EDEM3: variants seen among roughly 807,000 people sequenced by gnomAD.
The protein encoded by EDEM3 is ER degradation enhancing alpha-mannosidase like protein 3, also known as ER degradation-enhancing alpha-mannosidase-like protein 3.
EDEM3 carries 60 observed loss-of-function variants against 110.2 expected under a neutral mutation model. That is an observed-to-expected ratio of 0.54 (90% CI 0.44 to 0.67). The LOEUF (loss-of-function observed/expected upper bound fraction) is 0.67, where lower values mean the gene tolerates loss of function less well. EDEM3 is among the 30% of genes least tolerant of loss of function. The pLI is 0.00. For synonymous variants in EDEM3, 352 were observed against 382.9 expected (o/e 0.92, Z 0.94); for missense variants, 996 against 1,121.0 (o/e 0.89, Z 1.59).
At chr1:184,696,483 G>A (rs1217248814) in intron 19 of EDEM3, among the ~76,000 whole-genome samples, 1 of 151,674 alleles carries the variant, frequency 6.6e-6, no homozygotes, top group East Asian at 1.9e-4. Flanking sequence ...ATGATGGGGA[G>A]GAAAGGATCA....
At chr1:184,711,201 C>T (rs772054322) in intron 15 of EDEM3, among the ~76,000 whole-genome samples, 11 of 152,022 alleles carry the variant, frequency 7.2e-5, no homozygotes, top group Non-Finnish European at 1.2e-4. Context: ...TGGGTTCAAG[C>T]GATTCTACTG....
At chr1:184,723,617 A>C in intron 8 of EDEM3, 134 bp downstream of exon 8, 1 of 735,722 alleles carries the variant, frequency 1.4e-6, no homozygotes, top group Non-Finnish European at 2.2e-6. Flanking sequence ...GGCTAAATTA[A>C]TTAAAATTCC....
At position 184,691,935 on chromosome 1, in the gene EDEM3, G is replaced by A. The variant is rs1649081272; in HGVS notation, c.*2128C>T. 6.6e-6 allele frequency: 1 copy of A among 152,074 alleles called. No individual in the cohort carries two copies. The highest frequency in any genetic ancestry group is 1.5e-5 in the Non-Finnish European group (1 of 67,988). 9.4% of individuals were successfully genotyped at this position (152,074 alleles called of 1,614,324 possible). On this transcript the variant is annotated 3_prime_UTR_variant, in exon 20 of 20. Transcript: ENST00000318130. ...TAATGGCCAAAGGAAGAGAGTGGCA[G>A]TAAGCTGGCTTTTCCAATGTGTCAC... is the stretch of plus-strand genomic sequence containing the variant.
chr1:184,719,547 A>G lies in EDEM3; in HGVS notation c.973T>C (p.Tyr325His), dbSNP rs1650759349. 16 of 1,613,946 alleles carry G rather than the reference A, an allele frequency of 9.9e-6. No homozygotes were observed. Among genetic ancestry groups the G allele is most frequent in the Non-Finnish European group, 1.4e-5 (16 of 1,179,958 alleles). The change falls in exon 10 of 20, where the codon TAT becomes CAT. Residue 325 changes from tyrosine to histidine, a missense_variant. By Grantham distance (83) the Tyr-to-His change is moderately conservative. Coordinates refer to ENST00000318130, the MANE Select transcript of EDEM3 (RefSeq NM_025191.4). ...FNTHYDAIMR[Y>H]ISQPPLLLDV... ...AGTAGAAGAGGTGGCTGGCTAATAT[A>G]CCTCATTATGGCATCATAGTGCTAA... is the stretch of plus-strand genomic sequence containing the variant.
intron 7 of EDEM3, among the ~76,000 whole-genome samples, chr1:184,724,647 G>A (rs1217751183): frequency 6.6e-6 from 1 of 152,132 alleles, no homozygotes; most frequent in Non-Finnish European, 1.5e-5. Context: ...TTTGTCACTT[G>A]GCAGATTACA....
At position 184,693,809 on chromosome 1, in the gene EDEM3, G is replaced by C. The variant is rs1558036667; in HGVS notation, c.*254C>G. ...CAGTAATCTTTCCCTGGCCTGAGGT[G>C]TTGCAGGGTGGTGCAGTGCTGCATT... On this transcript the variant is annotated 3_prime_UTR_variant, in exon 20 of 20. Coordinates refer to ENST00000318130, the MANE Select transcript of EDEM3 (RefSeq NM_025191.4). The C allele has an allele frequency of 2.6e-6, 1 of 381,062 alleles. No homozygotes were observed. Among genetic ancestry groups the C allele is most frequent in the Non-Finnish European group, 4.8e-6 (1 of 210,170 alleles). 23.6% of individuals were successfully genotyped at this position (381,062 alleles called of 1,614,324 possible).
Position 184,710,506 on chromosome 1 carries a change from G to C in EDEM3, c.1733C>G (p.Ala578Gly). 1.2e-6 allele frequency: 2 copies of C among 1,613,790 alleles called. No homozygotes were observed. Among genetic ancestry groups the C allele is most frequent in the Non-Finnish European group, 1.7e-6 (2 of 1,179,814 alleles). ...AGGGTTAGTGGCCATGAAATCTCTG[G>C]CTCTCAGAGGGGGTTTAGCTCCACT... is the stretch of plus-strand genomic sequence containing the variant. Reference protein sequence around the residue: ...FRSGAKPPLRARDFMATNPEH... With the variant: ...FRSGAKPPLRGRDFMATNPEH... The change falls in exon 16 of 20, where the codon GCC becomes GGC. Residue 578 changes from alanine to glycine, a missense_variant. Ala to Gly is a moderately conservative substitution (Grantham distance 60). Around this residue, in one of 5 missense-constraint regions of EDEM3, gnomAD observed 138 missense variants for 124.3 expected, o/e 1.11. Coordinates refer to ENST00000318130, the MANE Select transcript of EDEM3 (RefSeq NM_025191.4).
chr1:184,745,756 A>G (rs1355581007), intron 2 of EDEM3, among the ~76,000 whole-genome samples: 1 of 152,154 alleles, frequency 6.6e-6, no homozygotes, highest in Admixed American at 6.5e-5. Flanking sequence ...CGATTCTACT[A>G]AAGGAAATTG....
chr1:184,714,375 G>A (rs1650426278), intron 13 of EDEM3, among the ~76,000 whole-genome samples: 1 of 152,170 alleles, frequency 6.6e-6, no homozygotes, highest in African/African-American at 2.4e-5. Context: ...TACGCAGTTA[G>A]GGGACAGTGT....
chr1:184,748,710 GTGTA>G (rs1263737196), intron 2 of EDEM3, among the ~76,000 whole-genome samples: 5 of 152,130 alleles, frequency 3.3e-5, no homozygotes, highest in Admixed American at 1.3e-4. Flanking sequence ...AATGATGTTA[GTGTA>G]TGAAGATATT....
In EDEM3 at chr1:184,702,910, T is replaced by C; in HGVS notation, c.2290A>G (p.Met764Val). The C allele has an allele frequency of 6.2e-7, 1 of 1,613,750 alleles. No individual in the cohort carries two copies. The highest frequency in any genetic ancestry group is 8.5e-7 in the Non-Finnish European group (1 of 1,179,788). The change falls in exon 19 of 20, where the codon ATG becomes GTG. Residue 764 changes from methionine (M) to valine (V), a missense_variant. Physicochemically the swap from Met to Val is conservative, Grantham distance 21. This residue lies in a region of EDEM3 where 345 missense variants were observed against 402.0 expected (regional missense o/e 0.86). Transcript: ENST00000318130. ...GKDTDDIKIP[M>V]LFLFSKEGSI... Reference sequence around the variant, plus strand: ...CCTTCTTTGCTGAATAAGAACAGCATGGGGATCTTGATGTCATCTGTATCC... The same window carrying C: ...CCTTCTTTGCTGAATAAGAACAGCACGGGGATCTTGATGTCATCTGTATCC...
intron 17 of EDEM3, among the ~76,000 whole-genome samples, chr1:184,707,451 C>T (rs1649989777): frequency 6.6e-6 from 1 of 152,078 alleles, no homozygotes; most frequent in Admixed American, 6.6e-5. Context: ...AAGCAGTGCA[C>T]AGAATATAGT....
At chr1:184,717,067 T>A in intron 12 of EDEM3, 55 bp from the exon 13 acceptor site, 1 of 1,394,612 alleles carries the variant, frequency 7.2e-7, no homozygotes, top group South Asian at 1.4e-5. Flanking sequence ...TTACCACATA[T>A]CCATTCATTT....
At chr1:184,744,211 T>C (rs1169207157) in intron 2 of EDEM3, among the ~76,000 whole-genome samples, 2 of 143,310 alleles carry the variant, frequency 1.4e-5, no homozygotes, top group African/African-American at 5.1e-5. Flanking sequence ...CCAGAACATA[T>C]TAACTTTTAT....
intron 2 of EDEM3, among the ~76,000 whole-genome samples, chr1:184,745,225 T>C (rs752145200): frequency 1.3e-5 from 2 of 152,128 alleles, no homozygotes; most frequent in African/African-American, 2.4e-5. Flanking sequence ...GAGGATACTA[T>C]AGAATTTCTT....
chr1:184,694,489 C>G lies in EDEM3; in HGVS notation c.2390-17G>C, dbSNP rs750112017. 6 of 1,560,740 alleles carry G rather than the reference C, an allele frequency of 3.8e-6. No homozygotes were observed. In the Admixed American group the frequency reaches 9.4e-5, roughly 24 times the overall value. ...TTTCAGGATCTGTATGAGAAAGAAA[C>G]AAACCTCATGCTACTTCTCTAAAAA... On this transcript the variant is annotated splice_polypyrimidine_tract_variant and intron_variant, in intron 19 of 19. Coordinates refer to ENST00000318130, the MANE Select transcript of EDEM3 (RefSeq NM_025191.4).
intron 19 of EDEM3, among the ~76,000 whole-genome samples, chr1:184,700,231 CAGA>C (rs1230114960): frequency 5.3e-5 from 8 of 151,934 alleles, no homozygotes; most frequent in Non-Finnish European, 1.0e-4. Context: ...ATGGACTTAT[CAGA>C]AGAAGAAGAC....
At position 184,717,551 on chromosome 1, in the gene EDEM3, A is replaced by G; in HGVS notation, c.1234T>C (p.Phe412Leu). Residue 412 changes from phenylalanine to leucine, a missense_variant, in exon 12 of 20, where the codon TTC becomes CTC. This residue lies in a region of EDEM3 where 310 missense variants were observed against 394.6 expected (regional missense o/e 0.79). Transcript: ENST00000318130. ...LRPEFAESTY[F>L]LYKATGDPYY... is the part of the protein sequence containing the mutation. ...GTATATTTTCTTACTTTATATAAGAAGTAGGTACTTTCTGCAAATTCTGGC... is the reference window on the plus strand; with the variant it reads ...GTATATTTTCTTACTTTATATAAGAGGTAGGTACTTTCTGCAAATTCTGGC... 1 of 1,607,862 alleles carries G rather than the reference A, an allele frequency of 6.2e-7. No individual in the cohort carries two copies. The highest frequency in any genetic ancestry group is 1.3e-5 in the African/African-American group (1 of 74,712).
chr1:184,747,542 G>A (rs1201609742), intron 2 of EDEM3, among the ~76,000 whole-genome samples: 1 of 152,188 alleles, frequency 6.6e-6, no homozygotes, highest in Non-Finnish European at 1.5e-5. Flanking sequence ...GAAGTACACA[G>A]CAAGAGTCAC....
Sources: allele counts gnomAD v4.1 joint callset (sites outside exome capture counted in the v4.1 genomes callset), GRCh38; gene constraint gnomAD v4.1.1; regional missense constraint gnomAD v4.1.1; transcripts MANE v1.5; gene names NCBI Gene and HGNC (gene_info 2026-07-23, HGNC 2026-07-21).